Variants in ITGA9 observed in about 807,000 individuals in gnomAD.
ITGA9 encodes integrin alpha-9.
Under a neutral mutation model 127.8 loss-of-function variants are expected in ITGA9, and 56 were observed. That is an observed-to-expected ratio of 0.44 (90% CI 0.35 to 0.55). ITGA9 has a LOEUF of 0.55. ITGA9 is among the 20% of genes least tolerant of loss of function. The pLI, the probability that ITGA9 is intolerant of heterozygous loss-of-function variation, is 0.00. For synonymous variants in ITGA9, 508 were observed against 514.5 expected (o/e 0.99, Z 0.17); for missense variants, 1,196 against 1,347.1 (o/e 0.89, Z 1.76).
At chr3:37,566,558 C>CT in intron 15 of ITGA9, among the ~76,000 whole-genome samples, 1 of 152,336 alleles carries the variant, frequency 6.6e-6, no homozygotes, top group Admixed American at 6.5e-5. Context: ...GATTAGGAAT[C>CT]TATTTTTCAA....
intron 21 of ITGA9, among the ~76,000 whole-genome samples, chr3:37,743,184 C>G (rs1245538809): frequency 6.6e-6 from 1 of 152,194 alleles, no homozygotes; most frequent in Non-Finnish European, 1.5e-5. Context: ...AAATAATGCA[C>G]TAAACATTGA....
chr3:37,748,229 T>C (rs1696530899), intron 22 of ITGA9: 1 of 470,810 alleles, frequency 2.1e-6, no homozygotes. Context: ...GGTGACATTA[T>C]AGACATCAAG....
At chr3:37,676,347 CAT>C (rs1020278378) in intron 17 of ITGA9, among the ~76,000 whole-genome samples, 3 of 152,214 alleles carry the variant, frequency 2.0e-5, no homozygotes, top group Non-Finnish European at 4.4e-5. Context: ...TCAAATGCCA[CAT>C]GTTATCTGTA....
intron 18 of ITGA9, among the ~76,000 whole-genome samples, chr3:37,684,699 C>A (rs1700765522): frequency 6.6e-6 from 1 of 152,144 alleles, no homozygotes; most frequent in Non-Finnish European, 1.5e-5. Flanking sequence ...GAAATCCTGA[C>A]CTCAAGTGAT....
intron 15 of ITGA9, among the ~76,000 whole-genome samples, chr3:37,609,553 T>C (rs1699998620): frequency 6.6e-6 from 1 of 152,330 alleles, no homozygotes; most frequent in African/African-American, 2.4e-5. Context: ...ATGACACTGT[T>C]AAATCCATAA....
At chr3:37,793,311 A>G (rs920990964) in intron 26 of ITGA9, among the ~76,000 whole-genome samples, 5 of 151,534 alleles carry the variant, frequency 3.3e-5, no homozygotes, top group Non-Finnish European at 7.4e-5. Flanking sequence ...GGCTTTCACT[A>G]GATGCTAGTT....
intron 23 of ITGA9, among the ~76,000 whole-genome samples, chr3:37,758,563 A>C (rs1050996186): frequency 6.6e-6 from 1 of 151,502 alleles, no homozygotes; most frequent in Non-Finnish European, 1.5e-5. Context: ...ACATTTATTT[A>C]TGATATTTTA....
At chr3:37,613,136 C>T (rs1174894705) in intron 15 of ITGA9, among the ~76,000 whole-genome samples, 5 of 150,946 alleles carry the variant, frequency 3.3e-5, no homozygotes, top group African/African-American at 1.2e-4. Context: ...ACAACAGTCC[C>T]CAGTATGTGA....
At chr3:37,547,512 A>G (rs1434619184) in intron 15 of ITGA9, among the ~76,000 whole-genome samples, 3 of 152,106 alleles carry the variant, frequency 2.0e-5, no homozygotes, top group African/African-American at 7.2e-5. Flanking sequence ...CTGTGGGTTT[A>G]GAGTGTTGGA....
chr3:37,643,598 G>A (rs1160085301), intron 16 of ITGA9, among the ~76,000 whole-genome samples: 1 of 152,202 alleles, frequency 6.6e-6, no homozygotes, highest in Non-Finnish European at 1.5e-5. Context: ...AGCTTATTGA[G>A]TTTTCTTCTG....
In ITGA9 at chr3:37,748,377, T is replaced by G. The variant is rs1026568838; in HGVS notation, c.2434-2085T>G. The G allele has an allele frequency of 5.0e-6, 3 of 604,130 alleles. No individual in the cohort carries two copies. In the African/African-American group the frequency reaches 5.5e-5, roughly 11 times the overall value. 37.4% of individuals were successfully genotyped at this position (604,130 alleles called of 1,614,324 possible). A position where few individuals can be genotyped will look rare whatever the true frequency, so the allele number is the denominator to read the frequency against. On this transcript the variant is annotated intron_variant, in intron 22 of 27. Coordinates refer to ENST00000264741, the MANE Select transcript of ITGA9 (RefSeq NM_002207.3). ...AGGGCAAGATTCTTGCCAAGAAAAT[T>G]AATGTACGTATTGAGCACATTAAGC...
intron 17 of ITGA9, among the ~76,000 whole-genome samples, chr3:37,661,664 A>G (rs1700538298): frequency 6.6e-6 from 1 of 152,206 alleles, no homozygotes; most frequent in Admixed American, 6.5e-5. Flanking sequence ...CTCTTGATTC[A>G]TTCTTGTCTG....
intron 6 of ITGA9, among the ~76,000 whole-genome samples, chr3:37,504,199 C>T (rs954981981): frequency 1.6e-4 from 25 of 152,276 alleles, no homozygotes; most frequent in Admixed American, 6.5e-4. Context: ...GGTGTTTGCT[C>T]CTGTAGGCAC....
intron 23 of ITGA9, among the ~76,000 whole-genome samples, chr3:37,772,305 G>T (rs935454638): frequency 3.3e-5 from 5 of 152,064 alleles, no homozygotes; most frequent in Non-Finnish European, 7.4e-5. Flanking sequence ...CTACTGGGGA[G>T]GGTGAGGCAG....
At chr3:37,534,960 AT>A (rs1699194375) in intron 14 of ITGA9, among the ~76,000 whole-genome samples, 1 of 152,250 alleles carries the variant, frequency 6.6e-6, no homozygotes, top group African/African-American at 2.4e-5. Context: ...TGTCCTCCAC[AT>A]AATTAAGCAG....
intron 14 of ITGA9, among the ~76,000 whole-genome samples, chr3:37,537,545 C>T (rs1239763454): frequency 1.3e-5 from 2 of 152,220 alleles, no homozygotes; most frequent in African/African-American, 4.8e-5. Flanking sequence ...CCTGTTGGGT[C>T]ATTCAATCAA....
intron 4 of ITGA9, among the ~76,000 whole-genome samples, chr3:37,482,174 C>T (rs923800466): frequency 6.6e-6 from 1 of 152,220 alleles, no homozygotes; most frequent in South Asian, 2.1e-4. Flanking sequence ...ACACTCTGAA[C>T]TTTCAGCATT....
In ITGA9 at chr3:37,732,794, C is replaced by A; in HGVS notation, c.2150C>A (p.Ser717Ter). The A allele has an allele frequency of 6.2e-7, 1 of 1,608,600 alleles. No individual in the cohort carries two copies. The highest frequency in any genetic ancestry group is 1.1e-5 in the South Asian group (1 of 89,222). ...GGATTTCCTTTCATGAGGTCAAAGT[C>A]AAAGGTAAGGGACACAGACGGGACC... ...SVGFPFMRSK[S>*]KYEFSVIFDT... Residue 717 changes from serine to a stop codon, truncating the protein, a stop_gained, in exon 19 of 28, where the codon TCA (serine) becomes TAA (stop). Coordinates refer to ENST00000264741, the MANE Select transcript of ITGA9 (RefSeq NM_002207.3). LOFTEE classifies it high-confidence loss of function.
chr3:37,758,329 C>CAAAAAAAAAAAAAAAAAAAA (rs57505967), intron 23 of ITGA9, among the ~76,000 whole-genome samples: 5 of 65,986 alleles, frequency 7.6e-5, no homozygotes, highest in African/African-American at 2.0e-4. Context: ...GACTCCGTCT[C>CAAAAAAAAAAAAAAAAAAAA]AAAAAAAAAA....
Sources: allele counts gnomAD v4.1 joint callset (sites outside exome capture counted in the v4.1 genomes callset), GRCh38; gene constraint gnomAD v4.1.1; transcripts MANE v1.5; gene names NCBI Gene and HGNC (gene_info 2026-07-23, HGNC 2026-07-21).